PZP: variants seen among roughly 807,000 people sequenced by gnomAD.
PZP encodes pregnancy zone protein.
PZP carries 150 observed loss-of-function variants against 179.8 expected under a neutral mutation model. The observed-to-expected ratio is 0.83, with a 90% CI of 0.73 to 0.96. The LOEUF is 0.96. Among genes scored for constraint, PZP ranks in the 40% least tolerant of loss-of-function variants. The pLI, the probability that PZP is intolerant of heterozygous loss-of-function variation, is 0.00. For missense variants in PZP, 1,689 were observed against 1,764.0 expected (o/e 0.96, Z 0.76); for synonymous variants, 624 against 652.3 (o/e 0.96, Z 0.66).
chr12:9,194,288 A>C (rs764218825), intron 10 of PZP, 50 bp from the exon 11 acceptor site: 2 of 1,566,164 alleles, frequency 1.3e-6, no homozygotes, highest in Admixed American at 3.5e-5. Context: ...CCCAGAGAGG[A>C]CTGAACTCAT....
At chr12:9,159,646 A>AAGAAG (rs1276355153) in intron 25 of PZP, among the ~76,000 whole-genome samples, 1 of 151,858 alleles carries the variant, frequency 6.6e-6, no homozygotes, top group African/African-American at 2.4e-5. Flanking sequence ...AAGAAAAGAA[A>AAGAAG]AGAAGAGAAG....
intron 25 of PZP, 78 bp from the exon 26 acceptor site, chr12:9,158,654 C>T: frequency 7.0e-7 from 1 of 1,437,302 alleles, no homozygotes. Context: ...CACAGGCTCC[C>T]CCATCACAGT....
chr12:9,183,393 C>G (rs894571149), intron 13 of PZP, among the ~76,000 whole-genome samples: 2 of 133,780 alleles, frequency 1.5e-5, no homozygotes, highest in African/African-American at 5.3e-5. Flanking sequence ...ATGTTGTACA[C>G]CTTAAATAAA....
At chr12:9,175,073 T>C (rs1942270737) in intron 15 of PZP, among the ~76,000 whole-genome samples, 1 of 152,178 alleles carries the variant, frequency 6.6e-6, no homozygotes, top group African/African-American at 2.4e-5. Flanking sequence ...ACTACAAGGT[T>C]ACAGTAACCA....
At chr12:9,187,949 G>A (rs1943226466) in intron 13 of PZP, among the ~76,000 whole-genome samples, 1 of 152,254 alleles carries the variant, frequency 6.6e-6, no homozygotes, top group African/African-American at 2.4e-5. Flanking sequence ...AAACCCTGAT[G>A]GGGGTGGGGT....
At chr12:9,144,179 G>C (rs1479618327), downstream of PZP, among the ~76,000 whole-genome samples, 1 of 151,264 alleles carries the variant, frequency 6.6e-6, no homozygotes, top group South Asian at 2.1e-4. Context: ...GAGAGAGAGA[G>C]AGAGAGACAG....
chr12:9,148,637 CTATCATCCCCT>C (rs1026818489), downstream of PZP, among the ~76,000 whole-genome samples: 1 of 152,084 alleles, frequency 6.6e-6, no homozygotes, highest in Non-Finnish European at 1.5e-5. Context: ...TTTATATTAT[CTATCATCCCCT>C]TATGTTCTCA....
intron 31 of PZP, 106 bp downstream of exon 31, chr12:9,152,718 T>C (rs1185049294): frequency 8.3e-7 from 1 of 1,210,452 alleles, no homozygotes; most frequent in African/African-American, 1.5e-5. Flanking sequence ...ATATCAATTC[T>C]AAATTATATT....
downstream of PZP, among the ~76,000 whole-genome samples, chr12:9,145,456 A>G (rs192141233): frequency 2.8e-3 from 420 of 152,058 alleles, 2 homozygotes; most frequent in African/African-American, 9.9e-3. Flanking sequence ...GCCCTTTATC[A>G]TCTGTCCCTA....
rs184889326 is a variant in PZP, at chr12:9,166,179, G to A, written c.2131C>T (p.Pro711Ser). The change falls in exon 18 of 36, where the codon CCA becomes TCA. Residue 711 changes from proline to serine, a missense_variant. Physicochemically the swap from Pro to Ser is moderately conservative, Grantham distance 74. Around this residue, in one of 3 missense-constraint regions of PZP, gnomAD observed 201 missense variants for 284.2 expected, o/e 0.71. Coordinates refer to ENST00000261336, the MANE Select transcript of PZP (RefSeq NM_002864.3). ...YGAGLGVVER[P>S]YVPQLGTYNV... ...TATGTGCCTAATTGAGGAACATATG[G>A]TCTCTCTACTACTCCTAGACCTGCT... The A allele has an allele frequency of 1.2e-6, 2 of 1,613,150 alleles. No individual in the cohort carries two copies. The highest frequency in any genetic ancestry group is 1.7e-6 in the Non-Finnish European group (2 of 1,179,658).
Position 9,157,174 on chromosome 12 carries a change from C to T in PZP, c.3550+1G>A. 1 of 1,612,430 alleles carries T rather than the reference C, an allele frequency of 6.2e-7. No homozygotes were observed. The highest frequency in any genetic ancestry group is 8.5e-7 in the Non-Finnish European group (1 of 1,178,888). On this transcript the variant is annotated splice_donor_variant, in intron 28 of 35. Coordinates refer to ENST00000261336, the MANE Select transcript of PZP (RefSeq NM_002864.3). LOFTEE classifies it high-confidence loss of function. ...CAGCTCCCACTTATAAGTGCTCTCA[C>T]CTTCTTTCACAGCTTCCTTATCAAG...
At position 9,181,081 on chromosome 12, in the gene PZP, G is replaced by A. The variant is rs1470265091; in HGVS notation, c.1741C>T (p.Leu581=). The A allele has an allele frequency of 1.2e-6, 2 of 1,614,182 alleles. No individual in the cohort carries two copies. The highest frequency in any genetic ancestry group is 1.6e-4 in the Middle Eastern group (1 of 6,062). ...GACTGCGGAGCAGCTGCTACTTGCA[G>A]GTGGGCATGTGAGGCTGGGGGACTT... ...AQSPPASHAH[L]QVAAAPQSLC... The change falls in exon 15 of 36, where the codon CTG becomes TTG. Residue 581 remains leucine (L), a synonymous_variant. Transcript: ENST00000261336.
At chr12:9,193,384 A>T (rs986016913) in intron 11 of PZP, among the ~76,000 whole-genome samples, 1 of 152,138 alleles carries the variant, frequency 6.6e-6, no homozygotes, top group Non-Finnish European at 1.5e-5. Flanking sequence ...GTTCCTATTT[A>T]AAAAAACCTT....
chr12:9,154,816 G>A lies in PZP; in HGVS notation c.3574C>T (p.Pro1192Ser), dbSNP rs1940628247. 6.2e-7 allele frequency: 1 copy of A among 1,613,994 alleles called. No homozygotes were observed. Among genetic ancestry groups the A allele is most frequent in the East Asian group, 2.2e-5 (1 of 44,902 alleles). Residue 1192 changes from proline (P) to serine (S), a missense_variant, in exon 29 of 36, where the codon CCT (proline) becomes TCT (serine). Physicochemically the swap from Pro to Ser is moderately conservative, Grantham distance 74. Transcript: ENST00000261336. ...KEDNLVHWERPQRPKAPVGHL... is the reference protein window; with the variant it reads ...KEDNLVHWERSQRPKAPVGHL... ...CCCACTGGTGCCTTGGGTCTCTGAGGGCGCTCCCAATGGACGAGGTTGTCT... is the reference window on the plus strand; with the variant it reads ...CCCACTGGTGCCTTGGGTCTCTGAGAGCGCTCCCAATGGACGAGGTTGTCT...
intron 13 of PZP, among the ~76,000 whole-genome samples, chr12:9,189,684 T>C (rs1471768642): frequency 6.6e-6 from 1 of 152,148 alleles, no homozygotes; most frequent in Non-Finnish European, 1.5e-5. Context: ...CAAAAGAAAC[T>C]ATCAATAGAG....
chr12:9,154,865 T>G, intron 28 of PZP, 26 bp from the exon 29 acceptor site: 11 of 1,579,258 alleles, frequency 7.0e-6, no homozygotes, highest in Non-Finnish European at 9.6e-6. Context: ...AAGGAGATAA[T>G]TGTAACTCAT....
chr12:9,181,412 T>G (rs1221426409), intron 14 of PZP, among the ~76,000 whole-genome samples: 2 of 152,238 alleles, frequency 1.3e-5, no homozygotes, highest in African/African-American at 2.4e-5. Flanking sequence ...ATTAATTTTA[T>G]AACAAGCTTA....
chr12:9,169,365 T>C, intron 16 of PZP, 65 bp downstream of exon 16: 1 of 1,394,116 alleles, frequency 7.2e-7, no homozygotes, highest in Non-Finnish European at 9.8e-7. Flanking sequence ...TATGAATAGA[T>C]ACAGAGTTTT....
intron 29 of PZP, among the ~76,000 whole-genome samples, chr12:9,153,867 C>G (rs1018067904): frequency 3.9e-5 from 6 of 152,168 alleles, no homozygotes; most frequent in Admixed American, 2.0e-4. Flanking sequence ...GCCAGACACT[C>G]TGGGTGTTTA....
Sources: allele counts gnomAD v4.1 joint callset (sites outside exome capture counted in the v4.1 genomes callset), GRCh38; gene constraint gnomAD v4.1.1; regional missense constraint gnomAD v4.1.1; transcripts MANE v1.5; gene names NCBI Gene and HGNC (gene_info 2026-07-23, HGNC 2026-07-21).